POM121: variants seen among roughly 807,000 people sequenced by gnomAD.
POM121 encodes nuclear envelope pore membrane protein POM 121.
POM121 carries 32 observed loss-of-function variants against 81.3 expected under a neutral mutation model. That is an observed-to-expected ratio of 0.39 (90% CI 0.30 to 0.53). The LOEUF is 0.53. POM121 is among the 20% of genes least tolerant of loss of function. The pLI is 0.66. For missense variants in POM121, 1,138 were observed against 1,614.6 expected (o/e 0.70, Z 5.06); for synonymous variants, 514 against 694.2 (o/e 0.74, Z 4.08).
chr7:72,929,866 T>C, intron 4 of POM121, 74 bp from the exon 5 acceptor site: 1 of 1,475,424 alleles, frequency 6.8e-7, no homozygotes, highest in Non-Finnish European at 9.0e-7. Flanking sequence ...TTAAGAAAGA[T>C]GTCATGACCG....
At chr7:72,921,909 T>A (rs1794849104), upstream of POM121, among the ~76,000 whole-genome samples, 1 of 152,234 alleles carries the variant, frequency 6.6e-6, no homozygotes, top group Non-Finnish European at 1.5e-5. Flanking sequence ...TCAGTGACTA[T>A]CTACCCAGAA....
At chr7:72,895,425 A>G (rs1193586452) in intron 3 of POM121, among the ~76,000 whole-genome samples, 1 of 152,136 alleles carries the variant, frequency 6.6e-6, no homozygotes, top group African/African-American at 2.4e-5. Flanking sequence ...CTTCTGGGAG[A>G]TGCCAGGTCC....
chr7:72,948,683 C>T (rs782630694), downstream of POM121: 38 of 1,600,168 alleles, frequency 2.4e-5, no homozygotes, highest in African/African-American at 4.1e-5. Context: ...CATCTCGACC[C>T]GTTCAATTAC....
In POM121 at chr7:72,926,974, C is replaced by T. The variant is rs1430411155; in HGVS notation, c.1022+11C>T. On this transcript the variant is annotated intron_variant, in intron 3 of 12. Coordinates refer to ENST00000434423, the MANE Select transcript of POM121 (RefSeq NM_001387691.1). ...GGAAAATAAAAGAAGGTAACAGGCTCAGGAGAGTACTAAGCCGGTTTCGCG... is the reference window on the plus strand; with the variant it reads ...GGAAAATAAAAGAAGGTAACAGGCTTAGGAGAGTACTAAGCCGGTTTCGCG... 1 of 1,613,834 alleles carries T rather than the reference C, an allele frequency of 6.2e-7. No homozygotes were observed. Among genetic ancestry groups the T allele is most frequent in the Non-Finnish European group, 8.5e-7 (1 of 1,179,874 alleles).
chr7:72,887,742 G>C (rs1476283648), intron 1 of POM121, among the ~76,000 whole-genome samples: 3 of 152,172 alleles, frequency 2.0e-5, no homozygotes, highest in Admixed American at 2.0e-4. Context: ...CAGAAGAATT[G>C]CTGGATCCCG....
rs1192397262 is a variant in POM121 at position 72,945,664 on chromosome 7, C to A, written c.3608C>A (p.Ala1203Glu). The A allele has an allele frequency of 6.2e-7, 1 of 1,612,602 alleles. No individual in the cohort carries two copies. Among genetic ancestry groups the A allele is most frequent in the Non-Finnish European group, 8.5e-7 (1 of 1,179,242 alleles). Residue 1203 changes from alanine (A) to glutamate (E), a missense_variant, in exon 12 of 13, where the codon GCA (alanine) becomes GAA (glutamate). By Grantham distance (107) the Ala-to-Glu change is moderately radical (BLOSUM62 -1). Transcript: ENST00000434423. ...TCAGGCAGCAGCCTCTCCTTTGGGG[C>A]ATCCTCAGCACCCGCCCAAGGCTTT... ...GTSGSSLSFG[A>E]SSAPAQGFVG...
chr7:72,899,648 G>A (rs1792381501), intron 3 of POM121, among the ~76,000 whole-genome samples: 2 of 147,658 alleles, frequency 1.4e-5, no homozygotes, highest in Admixed American at 1.4e-4. Context: ...GCGCACTCTC[G>A]GCTCACTGCA....
chr7:72,881,372 C>CA (rs1406100079), intron 1 of POM121, among the ~76,000 whole-genome samples: 1 of 149,256 alleles, frequency 6.7e-6, no homozygotes, highest in East Asian at 2.0e-4. Context: ...TGAGTGTTTG[C>CA]AGGTTGAGTG....
chr7:72,937,492 C>G (rs536572933), intron 5 of POM121, among the ~76,000 whole-genome samples: 1 of 151,906 alleles, frequency 6.6e-6, no homozygotes, highest in Non-Finnish European at 1.5e-5. Flanking sequence ...GCAGTCTTCT[C>G]AAGCTCCTCC....
chr7:72,892,663 T>C (rs771794973), intron 3 of POM121, among the ~76,000 whole-genome samples: 3 of 149,712 alleles, frequency 2.0e-5, no homozygotes, highest in Non-Finnish European at 4.5e-5. Flanking sequence ...CTCCCTCCCT[T>C]CCTTCCTTCC....
intron 3 of POM121, among the ~76,000 whole-genome samples, chr7:72,893,375 A>G (rs1791501618): frequency 6.6e-6 from 1 of 151,932 alleles, no homozygotes; most frequent in Non-Finnish European, 1.5e-5. Context: ...CGAGGTCAGG[A>G]GATCGAGACC....
intron 3 of POM121, among the ~76,000 whole-genome samples, chr7:72,898,795 CAAAAAA>C (rs36029915): frequency 1.7e-5 from 1 of 57,304 alleles, no homozygotes; most frequent in East Asian, 5.0e-4. Flanking sequence ...GAGACTGTCT[CAAAAAA>C]AAAAAAAAAA....
At chr7:72,948,527 C>CTCTCT (rs1314105992), downstream of POM121, 1 of 1,612,394 alleles carries the variant, frequency 6.2e-7, no homozygotes, top group African/African-American at 1.4e-5. Context: ...CAGCTTTTTG[C>CTCTCT]TCTCTTCTTT....
chr7:72,901,352 A>G (rs1168335893), intron 3 of POM121, among the ~76,000 whole-genome samples: 1 of 149,528 alleles, frequency 6.7e-6, no homozygotes, highest in Non-Finnish European at 1.5e-5. Flanking sequence ...GCTAGGACTC[A>G]GGCTAATTTT....
At chr7:72,932,854 TC>T (rs1796151927) in intron 5 of POM121, among the ~76,000 whole-genome samples, 1 of 151,120 alleles carries the variant, frequency 6.6e-6, no homozygotes. Flanking sequence ...GAGTTCGAGA[TC>T]ATCCTAGCCA....
upstream of POM121, among the ~76,000 whole-genome samples, chr7:72,924,033 C>A (rs1384460390): frequency 2.6e-5 from 4 of 151,724 alleles, no homozygotes; most frequent in Non-Finnish European, 4.4e-5. Flanking sequence ...GCAACCTCCG[C>A]CTCCCGAGTT....
In POM121 at chr7:72,936,600, T is replaced by C. The variant is rs550075264; in HGVS notation, c.1276-1990T>C. 4.6e-5 allele frequency among the ~76,000 whole-genome samples: 7 copies of C among 152,212 alleles called. No individual in the cohort carries two copies. The South Asian group carries it at 6.2e-4, about 14-fold the overall frequency. ...CTTGTTTTTGTATTTCTAGAAGAGA[T>C]GAGGTTTCACCATGTTGGCCATGCT... On this transcript the variant is annotated intron_variant, in intron 5 of 12. Coordinates refer to ENST00000434423, the MANE Select transcript of POM121 (RefSeq NM_001387691.1).
At chr7:72,949,018 C>T (rs370361200), downstream of POM121, 415 of 1,612,594 alleles carry the variant, frequency 2.6e-4, 5 homozygotes, top group Non-Finnish European at 3.3e-4. Flanking sequence ...GCACAGGGCT[C>T]GCTGCTGGAA....
intron 3 of POM121, among the ~76,000 whole-genome samples, chr7:72,898,887 G>T (rs1792250115): frequency 6.6e-6 from 1 of 150,886 alleles, no homozygotes; most frequent in South Asian, 2.1e-4. Context: ...GGAAGGCGTT[G>T]TATAGTTTGT....
Sources: gnomAD v4.1 joint callset for allele counts (sites outside exome capture counted in the v4.1 genomes callset) on GRCh38, gnomAD v4.1.1 for gene constraint, MANE v1.5 for transcripts, NCBI Gene and HGNC (gene_info 2026-07-23, HGNC 2026-07-21) for gene names.